MDN1: variants seen among roughly 807,000 people sequenced by gnomAD.
MDN1 encodes the protein midasin AAA ATPase 1, also known as midasin.
Under a neutral mutation model 669.2 loss-of-function variants are expected in MDN1, and 266 were observed. The ratio of observed to expected loss-of-function variants is 0.40; its 90% confidence interval spans 0.36 to 0.44. The LOEUF (loss-of-function observed/expected upper bound fraction) is 0.44, where lower values mean the gene tolerates loss of function less well. Ranked by LOEUF, MDN1 falls within the 20% of genes least tolerant of loss-of-function variation. The pLI is 1.00. For synonymous variants in MDN1, 2,385 were observed against 2,457.1 expected, an observed-to-expected ratio of 0.97 and a Z score of 0.87; for missense variants, 5,940 against 6,754.0, an observed-to-expected ratio of 0.88 and a Z score of 4.22.
intron 53 of MDN1, 114 bp downstream of exon 53, chr6:89,705,945 C>T: frequency 1.1e-6 from 1 of 910,138 alleles, no homozygotes; most frequent in Non-Finnish European, 1.6e-6. Context: ...GAATAAGTTT[C>T]TTAAATAATA....
At chr6:89,741,145 T>A (rs1441078189) in intron 31 of MDN1, among the ~76,000 whole-genome samples, 1 of 152,156 alleles carries the variant, frequency 6.6e-6, no homozygotes, top group Non-Finnish European at 1.5e-5. Flanking sequence ...GGCACAAGAA[T>A]CACTTGAACC....
chr6:89,725,444 C>G (rs768692373), intron 37 of MDN1, 48 bp from the exon 38 acceptor site: 1 of 1,475,916 alleles, frequency 6.8e-7, no homozygotes, highest in African/African-American at 1.4e-5. Context: ...TATTATACAA[C>G]TGCAACAAAA....
chr6:89,759,037 G>T (rs977226833), intron 17 of MDN1, 77 bp from the exon 18 acceptor site: 29 of 1,429,092 alleles, frequency 2.0e-5, no homozygotes, highest in Non-Finnish European at 2.7e-5. Context: ...TGCAAGCAGG[G>T]TTAGAAATAG....
intron 83 of MDN1, among the ~76,000 whole-genome samples, chr6:89,668,388 C>A (rs1057273455): frequency 6.6e-6 from 1 of 152,118 alleles, no homozygotes; most frequent in African/African-American, 2.4e-5. Context: ...TTTGTAGAAG[C>A]CTCTGGCATG....
chr6:89,794,572 C>T lies in MDN1; in HGVS notation c.554+5G>A. 1.2e-6 allele frequency: 2 copies of T among 1,612,438 alleles called. No homozygotes were observed. The highest frequency in any genetic ancestry group is 1.7e-6 in the Non-Finnish European group (2 of 1,179,794). On this transcript the variant is annotated splice_donor_5th_base_variant and intron_variant, in intron 3 of 101. Coordinates refer to ENST00000369393, the MANE Select transcript of MDN1 (RefSeq NM_014611.3). ...GAAGTGCAAAAAAGTCTAACAGCTA[C>T]GCACCAGCGAACCAAGGTGTCATGG...
intron 9 of MDN1, among the ~76,000 whole-genome samples, chr6:89,782,549 C>T (rs371195369): frequency 2.0e-5 from 3 of 151,824 alleles, no homozygotes; most frequent in Admixed American, 1.3e-4. Context: ...CTGAGCACCA[C>T]TGCAGTGCAC....
In MDN1 at chr6:89,689,953, TGTGGCG is replaced by T. The variant is rs745851971; in HGVS notation, c.10934_10939del (p.Pro3645_Pro3646del). ...CAGGCTGAGGTAATGCTTTGCTTCA[TGTGGCG>T]GCAGAGTCTGTTGATACCAGAGGGA... On this transcript the variant is annotated inframe_deletion, in exon 65 of 102. Coordinates refer to ENST00000369393, the MANE Select transcript of MDN1 (RefSeq NM_014611.3). The T allele has an allele frequency of 6.2e-7, 1 of 1,614,212 alleles. No individual in the cohort carries two copies. The highest frequency in any genetic ancestry group is 1.3e-5 in the African/African-American group (1 of 75,042).
Position 89,648,340 on chromosome 6 carries a change from G to C in MDN1, c.16207-11C>G, listed in dbSNP as rs1256126106. The C allele has an allele frequency of 6.2e-7, 1 of 1,612,078 alleles. No individual in the cohort carries two copies. The highest frequency in any genetic ancestry group is 8.5e-7 in the Non-Finnish European group (1 of 1,178,260). On this transcript the variant is annotated splice_polypyrimidine_tract_variant and intron_variant, in intron 97 of 101. Transcript: ENST00000369393. Reference sequence around the variant, plus strand: ...AGATTCAAATGCAAGCTGTGAATTAGAAAGTTAATGATTTTAGGAATCAGA... The same window carrying C: ...AGATTCAAATGCAAGCTGTGAATTACAAAGTTAATGATTTTAGGAATCAGA...
chr6:89,695,974 G>T lies in MDN1; in HGVS notation c.9402C>A (p.Leu3134=). The change falls in exon 61 of 102, where the codon CTC becomes CTA. Residue 3134 remains leucine, a synonymous_variant. Transcript: ENST00000369393. This position sits in a 1 kb window ranked among gnomAD's most constrained non-coding sequence, Gnocchi z 4.1. ...GGTGCCGGAACAGCACCTGCCCCTG[G>T]AGTTGGGAATCCGTGCGTCTGTGGG... ...VAEFRRTDSQ[L]QGQVLFRHLA... is the part of the protein sequence containing the mutation. 3 of 1,608,448 alleles carry T rather than the reference G, an allele frequency of 1.9e-6. No homozygotes were observed. The highest frequency in any genetic ancestry group is 2.5e-6 in the Non-Finnish European group (3 of 1,177,024).
intron 13 of MDN1, among the ~76,000 whole-genome samples, chr6:89,773,009 A>C (rs1201614289): frequency 6.6e-6 from 1 of 152,214 alleles, no homozygotes; most frequent in East Asian, 1.9e-4. Context: ...AAATTACTTA[A>C]TGTGTCTTAG....
chr6:89,761,062 A>G (rs1817517912), intron 17 of MDN1, among the ~76,000 whole-genome samples: 1 of 152,168 alleles, frequency 6.6e-6, no homozygotes, highest in African/African-American at 2.4e-5. Flanking sequence ...GCTACTCAGG[A>G]GGCTGAGGCA....
At position 89,658,754 on chromosome 6, in the gene MDN1, T is replaced by C; in HGVS notation, c.14877A>G (p.Thr4959=). 6.2e-7 allele frequency: 1 copy of C among 1,614,190 alleles called. No homozygotes were observed. Among genetic ancestry groups the C allele is most frequent in the South Asian group, 1.1e-5 (1 of 91,074 alleles). Residue 4959 remains threonine (T), a synonymous_variant, in exon 89 of 102, where the codon ACA becomes ACG. Transcript: ENST00000369393. ...DKAEGEEEMD[T]GADDQDGDAA... ...CATCTCCATCTTGGTCATCAGCTCC[T>C]GTGTCCATTTCCTCTTCCCCTTCTG... is the stretch of plus-strand genomic sequence containing the variant.
intron 73 of MDN1, among the ~76,000 whole-genome samples, chr6:89,682,635 G>T (rs551847393): frequency 6.8e-4 from 101 of 148,530 alleles, no homozygotes; most frequent in African/African-American, 2.4e-3. Context: ...ATGAACCCAG[G>T]AGGCGGAGCT....
At chr6:89,796,207 C>T (rs1184146917) in intron 2 of MDN1, among the ~76,000 whole-genome samples, 1 of 150,344 alleles carries the variant, frequency 6.7e-6, no homozygotes, top group Non-Finnish European at 1.5e-5. Flanking sequence ...GCCTGTAATC[C>T]CAGCTACTCA....
intron 9 of MDN1, among the ~76,000 whole-genome samples, chr6:89,782,609 AT>A (rs869238915): frequency 7.0e-3 from 94 of 13,476 alleles, no homozygotes; most frequent in African/African-American, 0.037. Context: ...TCAAAAAATA[AT>A]AATAATAATA....
chr6:89,787,191 T>C (rs1025771227), intron 8 of MDN1, among the ~76,000 whole-genome samples: 3 of 152,120 alleles, frequency 2.0e-5, no homozygotes. Context: ...AATATAATCA[T>C]TAACTATAGA....
intron 58 of MDN1, among the ~76,000 whole-genome samples, chr6:89,699,355 G>C (rs979992948): frequency 4.6e-5 from 7 of 152,078 alleles, no homozygotes; most frequent in African/African-American, 1.7e-4. Flanking sequence ...ATTTTAAGCA[G>C]CAAATATTTT....
At chr6:89,694,029 G>GA in intron 62 of MDN1, 45 bp downstream of exon 62, 1 of 1,460,992 alleles carries the variant, frequency 6.8e-7, no homozygotes, top group African/African-American at 1.4e-5. Flanking sequence ...ACATCAAAAG[G>GA]AGAGTCAATA....
intron 64 of MDN1, 24 bp downstream of exon 64, chr6:89,690,649 C>G (rs201809178): frequency 4.3e-6 from 7 of 1,612,770 alleles, no homozygotes; most frequent in Non-Finnish European, 5.9e-6. Context: ...CATTCCAAAA[C>G]ACACCCTGCC....
Sources: allele counts gnomAD v4.1 joint callset (sites outside exome capture counted in the v4.1 genomes callset), GRCh38; gene constraint gnomAD v4.1.1; non-coding constraint Gnocchi (gnomAD v3.1); transcripts MANE v1.5; gene names NCBI Gene and HGNC (gene_info 2026-07-23, HGNC 2026-07-21).